The following PPP2R5C variants were observed in gnomAD, a reference collection of about 807,000 sequenced individuals.
The protein encoded by PPP2R5C is protein phosphatase 2 regulatory subunit B'gamma.
A neutral mutation model predicts 68.9 loss-of-function variants in PPP2R5C; 7 were observed. The observed-to-expected ratio is 0.10, with a 90% CI of 0.06 to 0.19. PPP2R5C has a LOEUF of 0.19. Among genes scored for constraint, PPP2R5C ranks in the 10% least tolerant of loss-of-function variants. The pLI is 1.00. For missense variants in PPP2R5C, 348 were observed against 641.3 expected (o/e 0.54, Z 4.94); for synonymous variants, 210 against 222.2 (o/e 0.95, Z 0.49).
intron 1 of PPP2R5C, among the ~76,000 whole-genome samples, chr14:101,814,492 A>T (rs1045712368): frequency 6.6e-6 from 1 of 152,210 alleles, no homozygotes; most frequent in East Asian, 1.9e-4. Context: ...ACACACATTT[A>T]TGCTCATAAA....
chr14:101,811,112 C>G (rs1332599374), intron 1 of PPP2R5C, among the ~76,000 whole-genome samples: 1 of 152,174 alleles, frequency 6.6e-6, no homozygotes, highest in Non-Finnish European at 1.5e-5. Flanking sequence ...CACATGCAGA[C>G]TCAATCTACT....
At chr14:101,858,295 A>G (rs2042546710) in intron 2 of PPP2R5C, among the ~76,000 whole-genome samples, 2 of 152,086 alleles carry the variant, frequency 1.3e-5, no homozygotes, top group South Asian at 4.1e-4. Context: ...TATTACTTTC[A>G]TAATTTTGTT....
chr14:101,894,643 C>T, intron 8 of PPP2R5C, 83 bp downstream of exon 10: 1 of 1,339,746 alleles, frequency 7.5e-7, no homozygotes. Context: ...CACCAAATTG[C>T]CATTCATTCA....
At chr14:101,803,001 G>A (rs2038933161) in intron 3 of PPP2R5C, among the ~76,000 whole-genome samples, 1 of 148,664 alleles carries the variant, frequency 6.7e-6, no homozygotes, top group East Asian at 2.0e-4. Context: ...GATCACTTGA[G>A]CTCAAGAGTT....
intron 2 of PPP2R5C, among the ~76,000 whole-genome samples, chr14:101,874,420 A>G (rs988355600): frequency 1.3e-5 from 2 of 152,394 alleles, no homozygotes; most frequent in African/African-American, 4.8e-5. Flanking sequence ...CGTAATAAAA[A>G]CATTGGGAAT....
chr14:101,765,895 C>A (rs2036836560), intron 2 of PPP2R5C: 1 of 152,164 alleles, frequency 6.6e-6, no homozygotes. Flanking sequence ...CCTTTCAAGC[C>A]TTTTAACATC....
intron 1 of PPP2R5C, chr14:101,820,503 A>G (rs959358475): frequency 3.9e-5 from 6 of 152,264 alleles, no homozygotes; most frequent in African/African-American, 9.6e-5. Flanking sequence ...AGGTTCATCA[A>G]CATGGTTTCA....
intron 3 of PPP2R5C, chr14:101,796,867 C>T: frequency 3.6e-6 from 1 of 277,372 alleles, no homozygotes; most frequent in South Asian, 3.4e-5. Flanking sequence ...TCAAGTGTTT[C>T]CTGAACTGCC....
intron 1 of PPP2R5C, among the ~76,000 whole-genome samples, chr14:101,852,468 T>C (rs2140523369): frequency 6.9e-6 from 1 of 145,796 alleles, no homozygotes; most frequent in Middle Eastern, 3.5e-3. Context: ...ATTTTCTTTT[T>C]CTTTTTTTTT....
chr14:101,875,782 T>C (rs1403231624), intron 2 of PPP2R5C, among the ~76,000 whole-genome samples: 1 of 152,256 alleles, frequency 6.6e-6, no homozygotes. Context: ...TTTAAGATTG[T>C]GTCTGCTTTA....
rs147134694 is a variant in PPP2R5C, at chr14:101,836,448, T to C, written c.95-20238T>C. On this transcript the variant is annotated intron_variant, in intron 1 of 13. Transcript: ENST00000334743. ...ACACACACTGTCGTAGCTGGTTTTG[T>C]ATTGTAAATGAGTCATTCTGTTATT... 16 of 688,226 alleles carry C rather than the reference T, an allele frequency of 2.3e-5. No individual in the cohort carries two copies. In the African/African-American group the frequency reaches 2.5e-4, roughly 11 times the overall value. 42.6% of individuals were successfully genotyped at this position (688,226 alleles called of 1,614,324 possible).
chr14:101,836,538 A>C (rs1037244741), intron 1 of PPP2R5C: 4 of 567,396 alleles, frequency 7.0e-6, no homozygotes, highest in African/African-American at 1.9e-5. Context: ...GTTTAGACAA[A>C]ATAAATTTCT....
intron 1 of PPP2R5C, among the ~76,000 whole-genome samples, chr14:101,849,675 A>AACCAGTCTTT (rs2042035130): frequency 2.4e-4 from 25 of 102,994 alleles, no homozygotes; most frequent in African/African-American, 3.7e-4. Flanking sequence ...CAGTGTAGAT[A>AACCAGTCTTT]TATGTATATA....
At chr14:101,826,800 TCTGA>T (rs2140306977) in intron 1 of PPP2R5C, among the ~76,000 whole-genome samples, 1 of 152,258 alleles carries the variant, frequency 6.6e-6, no homozygotes, top group Admixed American at 6.5e-5. Context: ...CAGTAGCTGC[TCTGA>T]CTGTGAGCAG....
chr14:101,762,407 C>A (rs924791626), intron 1 of PPP2R5C, among the ~76,000 whole-genome samples: 1 of 152,088 alleles, frequency 6.6e-6, no homozygotes, highest in Non-Finnish European at 1.5e-5. Flanking sequence ...GTAAGGAATT[C>A]TCTGCCGCCC....
At chr14:101,901,053 A>G (rs748642095) in intron 8 of PPP2R5C, among the ~76,000 whole-genome samples, 1 of 152,240 alleles carries the variant, frequency 6.6e-6, no homozygotes, top group Non-Finnish European at 1.5e-5. Flanking sequence ...ATTTTAACAC[A>G]GTTGAAAACA....
chr14:101,800,580 A>T (rs2038816620), intron 3 of PPP2R5C, among the ~76,000 whole-genome samples: 1 of 151,758 alleles, frequency 6.6e-6, no homozygotes, highest in Non-Finnish European at 1.5e-5. Flanking sequence ...AATAAAAATT[A>T]AAAATATATA....
rs754803984 is a variant in PPP2R5C, at chr14:101,891,218, G to T, written c.689+922G>T. Among the ~76,000 whole-genome samples the T allele has an allele frequency of 6.6e-6, 1 of 151,940 alleles. No individual in the cohort carries two copies. The highest frequency in any genetic ancestry group is 1.5e-5 in the Non-Finnish European group (1 of 67,998). ...GGATGTAGTGTAGATGGGCAGTTCCGGGTTCTCAGGAGCCTGTGGTGGAGA... is the reference window on the plus strand; with the variant it reads ...GGATGTAGTGTAGATGGGCAGTTCCTGGTTCTCAGGAGCCTGTGGTGGAGA... On this transcript the variant is annotated intron_variant, in intron 6 of 13. Transcript: ENST00000334743. This position sits in a 1 kb window ranked among gnomAD's most constrained non-coding sequence, Gnocchi z 4.9.
In PPP2R5C at chr14:101,894,590, G is replaced by A; in HGVS notation, c.852+30G>A. 1.9e-6 allele frequency: 3 copies of A among 1,594,780 alleles called. No homozygotes were observed. In the South Asian group the frequency reaches 3.3e-5, roughly 18 times the overall value. The stretch of plus-strand genomic sequence containing the variant: ...GTACTGATGCTAGCGCGTCTTGTAA[G>A]ATGTGTGCATTTCACTAAATGTAAA... On this transcript the variant is annotated intron_variant, in intron 8 of 13. Coordinates refer to ENST00000334743, the Ensembl canonical transcript of PPP2R5C.
Sources: gnomAD v4.1 joint callset for allele counts (sites outside exome capture counted in the v4.1 genomes callset) on GRCh38, gnomAD v4.1.1 for gene constraint, Gnocchi (gnomAD v3.1) non-coding constraint, MANE v1.5 for transcripts, NCBI Gene and HGNC (gene_info 2026-07-23, HGNC 2026-07-21) for gene names.